Variants in FSTL5 observed in about 807,000 individuals in gnomAD.
FSTL5 encodes follistatin-related protein 5.
FSTL5 carries 62 observed loss-of-function variants against 89.1 expected under a neutral mutation model. That is an observed-to-expected ratio of 0.70 (90% CI 0.57 to 0.86). FSTL5 has a LOEUF of 0.86. FSTL5 is among the 40% of genes least tolerant of loss of function. FSTL5 has a pLI of 0.00. For missense variants in FSTL5, 1,057 were observed against 1,001.6 expected (o/e 1.06, Z -0.75); for synonymous variants, 383 against 346.2 (o/e 1.11, Z -1.18).
chr4:161,389,732 A>G (rs1282285342), intron 15 of FSTL5, among the ~76,000 whole-genome samples: 1 of 152,180 alleles, frequency 6.6e-6, no homozygotes, highest in Non-Finnish European at 1.5e-5. Context: ...GGATGACAGT[A>G]AATGTATGTA....
intron 1 of FSTL5, among the ~76,000 whole-genome samples, chr4:162,122,936 G>C (rs550617304): frequency 1.3e-5 from 2 of 152,086 alleles, no homozygotes; most frequent in South Asian, 2.1e-4. Context: ...ATTATTATAG[G>C]CTCTGTCTTC....
chr4:161,674,373 A>G (rs1444663828), intron 6 of FSTL5, among the ~76,000 whole-genome samples: 1 of 152,186 alleles, frequency 6.6e-6, no homozygotes, highest in Non-Finnish European at 1.5e-5. Context: ...CAAGTTATGT[A>G]CAGAATAAAA....
intron 6 of FSTL5, among the ~76,000 whole-genome samples, chr4:161,693,763 C>T (rs767369355): frequency 4.0e-4 from 60 of 151,438 alleles, no homozygotes; most frequent in Non-Finnish European, 6.8e-4. Context: ...CTCAGCCTCC[C>T]GAGTAGCTGG....
intron 7 of FSTL5, among the ~76,000 whole-genome samples, chr4:161,653,700 T>C (rs1736415408): frequency 1.3e-5 from 2 of 152,122 alleles, no homozygotes; most frequent in South Asian, 4.1e-4. Flanking sequence ...TGAAAGACAG[T>C]TTAACTGATA....
chr4:161,937,495 G>A (rs1309611198), intron 3 of FSTL5, among the ~76,000 whole-genome samples: 1 of 152,006 alleles, frequency 6.6e-6, no homozygotes, highest in African/African-American at 2.4e-5. Flanking sequence ...TAAAAATATT[G>A]AAGACAAAAA....
intron 8 of FSTL5, among the ~76,000 whole-genome samples, chr4:161,550,122 C>T (rs948261046): frequency 1.3e-5 from 2 of 151,782 alleles, no homozygotes; most frequent in Admixed American, 1.3e-4. Context: ...CTCAGAAAGG[C>T]CTAATAACCC....
chr4:161,847,724 ATCACTCCC>A (rs1731412870), intron 4 of FSTL5, among the ~76,000 whole-genome samples: 1 of 152,026 alleles, frequency 6.6e-6, no homozygotes, highest in South Asian at 2.1e-4. Flanking sequence ...TAATATTAAA[ATCACTCCC>A]TAGTTTAAAA....
chr4:161,430,060 T>A (rs1311345488), intron 15 of FSTL5, among the ~76,000 whole-genome samples: 1 of 151,820 alleles, frequency 6.6e-6, no homozygotes, highest in Admixed American at 6.6e-5. Context: ...TTAAAATAAG[T>A]CAAGAAGGAA....
intron 15 of FSTL5, among the ~76,000 whole-genome samples, chr4:161,409,670 G>A (rs886614706): frequency 5.9e-5 from 9 of 152,190 alleles, no homozygotes; most frequent in East Asian, 1.9e-4. Context: ...GTGAGCCACC[G>A]CACCCAGACA....
chr4:161,781,028 TA>T (rs1741646787), intron 4 of FSTL5, among the ~76,000 whole-genome samples: 1 of 152,126 alleles, frequency 6.6e-6, no homozygotes, highest in African/African-American at 2.4e-5. Flanking sequence ...GCTGAAATCT[TA>T]GAAACTCAAA....
intron 12 of FSTL5, chr4:161,495,044 T>C (rs1182474236): frequency 1.3e-5 from 2 of 152,168 alleles, no homozygotes; most frequent in Non-Finnish European, 2.9e-5. Context: ...CCTGGGCGAA[T>C]GAGTGAGATC....
intron 4 of FSTL5, among the ~76,000 whole-genome samples, chr4:161,905,220 A>C (rs533524017): frequency 6.6e-5 from 10 of 152,244 alleles, no homozygotes; most frequent in African/African-American, 2.2e-4. Flanking sequence ...GCTTCTTTAA[A>C]ATTAAAAAAA....
intron 4 of FSTL5, among the ~76,000 whole-genome samples, chr4:161,848,036 C>CAAAAAAAAAAAAAAAAAAA (rs139315536): frequency 2.1e-5 from 1 of 48,202 alleles, no homozygotes; most frequent in African/African-American, 9.1e-5. Context: ...GACTCCGTCT[C>CAAAAAAAAAAAAAAAAAAA]AAAAAAAAAA....
chr4:161,521,866 A>AAAAAAAAG (rs1731046164), intron 10 of FSTL5, among the ~76,000 whole-genome samples: 6 of 116,452 alleles, frequency 5.2e-5, no homozygotes, highest in African/African-American at 6.1e-5. Flanking sequence ...AAAAAAAAAG[A>AAAAAAAAG]AAAAAAAAGA....
At chr4:161,600,679 G>T (rs1163653830) in intron 7 of FSTL5, among the ~76,000 whole-genome samples, 2 of 152,052 alleles carry the variant, frequency 1.3e-5, no homozygotes, top group East Asian at 1.9e-4. Context: ...TATTAGTCAA[G>T]TTTTGAAAGC....
At chr4:161,763,383 T>C (rs921325354) in intron 5 of FSTL5, among the ~76,000 whole-genome samples, 2 of 152,180 alleles carry the variant, frequency 1.3e-5, no homozygotes, top group African/African-American at 4.8e-5. Flanking sequence ...AGGTACTGTC[T>C]CCCAAGTATA....
At chr4:161,662,991 G>A (rs928354246) in intron 6 of FSTL5, among the ~76,000 whole-genome samples, 3 of 151,892 alleles carry the variant, frequency 2.0e-5, no homozygotes, top group Non-Finnish European at 4.4e-5. Flanking sequence ...AGAAGCAAAG[G>A]GACACCCCTG....
chr4:162,024,762 C>T (rs753244103), intron 3 of FSTL5, among the ~76,000 whole-genome samples: 5 of 151,998 alleles, frequency 3.3e-5, no homozygotes, highest in Non-Finnish European at 5.9e-5. Context: ...AAGTGGTCCT[C>T]CAACCTCAGC....
At chr4:161,716,804 T>G (rs1215421540) in intron 6 of FSTL5, among the ~76,000 whole-genome samples, 1 of 152,140 alleles carries the variant, frequency 6.6e-6, no homozygotes, top group Non-Finnish European at 1.5e-5. Context: ...ACCTGGACAG[T>G]GACTAAGGTA....
Sources: gnomAD v4.1 joint callset for allele counts (sites outside exome capture counted in the v4.1 genomes callset) on GRCh38, gnomAD v4.1.1 for gene constraint, MANE v1.5 for transcripts, NCBI Gene and HGNC (gene_info 2026-07-23, HGNC 2026-07-21) for gene names.